Variants in FNBP1 observed in about 807,000 individuals in gnomAD.
FNBP1 encodes formin-binding protein 1.
Under a neutral mutation model 90.6 loss-of-function variants are expected in FNBP1, and 26 were observed. The observed-to-expected ratio is 0.29, with a 90% CI of 0.21 to 0.40. The LOEUF is 0.40. Among genes scored for constraint, FNBP1 ranks in the 10% least tolerant of loss-of-function variants. The probability of loss-of-function intolerance (pLI) is 1.00; values close to 1 mark genes in which losing one functional copy is unlikely to be tolerated. For missense variants in FNBP1, 635 were observed against 768.0 expected, an observed-to-expected ratio of 0.83 and a Z score of 2.05; for synonymous variants, 260 against 265.2, an observed-to-expected ratio of 0.98 and a Z score of 0.19.
chr9:129,945,062 C>A lies in FNBP1; in HGVS notation c.513+12298G>T, dbSNP rs77839090. The stretch of plus-strand genomic sequence containing the variant: ...TATCTTCAGATCTAGGGTATGAGAA[C>A]GATGCTGCTTGATTGCTATTTTGTA... On this transcript the variant is annotated intron_variant, in intron 6 of 16. Coordinates refer to ENST00000446176, the MANE Select transcript of FNBP1 (RefSeq NM_015033.3). 2.6e-3 allele frequency among the ~76,000 whole-genome samples: 390 copies of A among 152,088 alleles called. 1 individual carries two copies. The highest frequency in any genetic ancestry group is 9.2e-3 in the African/African-American group (382 of 41,486).
intron 6 of FNBP1, among the ~76,000 whole-genome samples, chr9:129,949,984 A>G (rs1242622133): frequency 6.6e-6 from 1 of 152,220 alleles, no homozygotes; most frequent in Admixed American, 6.6e-5. Context: ...GCTGCTAGAA[A>G]AAAAGGAGGA....
At chr9:129,988,572 G>A (rs1178969627) in intron 2 of FNBP1, among the ~76,000 whole-genome samples, 1 of 152,010 alleles carries the variant, frequency 6.6e-6, no homozygotes, top group African/African-American at 2.4e-5. Context: ...AGCTGTTCAG[G>A]AGGCTGAGGC....
At chr9:129,947,918 G>A (rs984419751) in intron 6 of FNBP1, among the ~76,000 whole-genome samples, 1 of 150,996 alleles carries the variant, frequency 6.6e-6, no homozygotes, top group Non-Finnish European at 1.5e-5. Flanking sequence ...CACTGCACTT[G>A]GCTGAGTTGC....
intron 6 of FNBP1, among the ~76,000 whole-genome samples, chr9:129,938,629 A>G (rs1385136789): frequency 2.0e-5 from 3 of 151,986 alleles, no homozygotes; most frequent in Non-Finnish European, 4.4e-5. Context: ...GAGAATGCAG[A>G]AAGATAGCCA....
chr9:130,007,239 C>CAAAA (rs72063140), intron 1 of FNBP1, among the ~76,000 whole-genome samples: 105 of 76,900 alleles, frequency 1.4e-3, no homozygotes, highest in South Asian at 5.6e-3. Flanking sequence ...GAGATCCTGT[C>CAAAA]AAAAAAAAAA....
chr9:129,974,800 C>T (rs1008047908), intron 4 of FNBP1, among the ~76,000 whole-genome samples: 1 of 148,212 alleles, frequency 6.7e-6, no homozygotes, highest in Non-Finnish European at 1.5e-5. Flanking sequence ...GTTGAAGCTA[C>T]AGTGAGCCAT....
chr9:129,927,236 C>T lies in FNBP1; in HGVS notation c.748G>A (p.Asp250Asn). ...QVIPIIGKCL[D>N]GIVKAAESID... ...GATTCGGCTGCTTTTACTATTCCATCCAGGCACTTCCCAATGATTGGGATC... is the reference window on the plus strand; with the variant it reads ...GATTCGGCTGCTTTTACTATTCCATTCAGGCACTTCCCAATGATTGGGATC... Residue 250 changes from aspartate (D) to asparagine (N), a missense_variant, in exon 8 of 17, where the codon GAT (aspartate) becomes AAT (asparagine). Asp to Asn is a conservative substitution (Grantham distance 23). Coordinates refer to ENST00000446176, the MANE Select transcript of FNBP1 (RefSeq NM_015033.3). 1.2e-6 allele frequency: 2 copies of T among 1,613,972 alleles called. No individual in the cohort carries two copies. Among genetic ancestry groups the T allele is most frequent in the South Asian group, 1.1e-5 (1 of 91,072 alleles).
intron 1 of FNBP1, among the ~76,000 whole-genome samples, chr9:130,026,391 G>A (rs555229074): frequency 6.6e-6 from 1 of 152,254 alleles, no homozygotes; most frequent in African/African-American, 2.4e-5. Context: ...CTACCTGGGA[G>A]GCTGAGGCAG....
At chr9:129,958,694 G>A in intron 4 of FNBP1, 141 bp from the exon 5 acceptor site, 1 of 649,340 alleles carries the variant, frequency 1.5e-6, no homozygotes, top group South Asian at 2.0e-5. Flanking sequence ...AGAGTTGAAA[G>A]GGGTAGCCGG....
intron 4 of FNBP1, among the ~76,000 whole-genome samples, chr9:129,967,305 C>T (rs2048768821): frequency 6.6e-6 from 1 of 152,172 alleles, no homozygotes; most frequent in Non-Finnish European, 1.5e-5. Context: ...CAGCTGAGGA[C>T]AGGACTCCGG....
At chr9:130,024,219 G>A (rs1376029349) in intron 1 of FNBP1, among the ~76,000 whole-genome samples, 3 of 151,972 alleles carry the variant, frequency 2.0e-5, no homozygotes, top group African/African-American at 7.2e-5. Context: ...AGGCTAGCCT[G>A]GGCAACATAG....
chr9:129,918,998 C>CTTTTTTTT, intron 10 of FNBP1: 1 of 152,748 alleles, frequency 6.5e-6, no homozygotes, highest in Non-Finnish European at 1.4e-5. Context: ...TTAGGCTTTT[C>CTTTTTTTT]TTTTTTTTTT....
intron 2 of FNBP1, among the ~76,000 whole-genome samples, chr9:129,985,489 G>A (rs987256254): frequency 2.0e-4 from 31 of 152,204 alleles, no homozygotes; most frequent in African/African-American, 6.0e-4. Context: ...GGACTCTTGA[G>A]TCTGAACTCA....
At position 130,041,758 on chromosome 9, in the gene FNBP1, CAATT is replaced by C. The variant is rs905751295; in HGVS notation, c.24+1190_24+1193del. ...TACCTAACAAATGGTTATGTAAAAACAATTAAAGCAAAAGAAAACAAAACAAAAA... is the reference window on the plus strand; with the variant it reads ...TACCTAACAAATGGTTATGTAAAAACAAAGCAAAAGAAAACAAAACAAAAA... On this transcript the variant is annotated intron_variant, in intron 1 of 16. Transcript: ENST00000446176. This position sits in a 1 kb window ranked among gnomAD's most constrained non-coding sequence, Gnocchi z 4.3. Among the ~76,000 whole-genome samples, 12 of 152,228 alleles carry C rather than the reference CAATT, an allele frequency of 7.9e-5. No homozygotes were observed. Among genetic ancestry groups the C allele is most frequent in the Admixed American group, 5.2e-4 (8 of 15,286 alleles).
At chr9:129,910,482 AAAAAAAC>A (rs1271917420) in intron 11 of FNBP1, among the ~76,000 whole-genome samples, 6 of 120,700 alleles carry the variant, frequency 5.0e-5, no homozygotes, top group South Asian at 2.9e-4. Context: ...ACTCCATCTC[AAAAAAAC>A]AAAAAAAAAA....
chr9:129,977,562 GCTCACTGCAACCTCCAC>G (rs983736988), intron 4 of FNBP1, among the ~76,000 whole-genome samples: 7 of 151,284 alleles, frequency 4.6e-5, no homozygotes, highest in African/African-American at 9.7e-5. Context: ...CGAGATCTCG[GCTCACTGCAACCTCCAC>G]CTCCTGGGTT....
intron 7 of FNBP1, 61 bp from the exon 8 acceptor site, chr9:129,927,402 T>C (rs2042073716): frequency 6.5e-7 from 1 of 1,535,178 alleles, no homozygotes; most frequent in Non-Finnish European, 8.9e-7. Flanking sequence ...AAAGTTGTTT[T>C]TCGGCAGCAT....
At position 129,952,242 on chromosome 9, in the gene FNBP1, G is replaced by A. The variant is rs1226576053; in HGVS notation, c.513+5118C>T. 4.0e-5 allele frequency among the ~76,000 whole-genome samples: 6 copies of A among 151,728 alleles called. No homozygotes were observed. The South Asian group carries it at 1.3e-3, about 32-fold the overall frequency. On this transcript the variant is annotated intron_variant, in intron 6 of 16. Transcript: ENST00000446176. The stretch of plus-strand genomic sequence containing the variant: ...AGGCCAGGTGCGGTGGCTCATGCCT[G>A]TAATCCTAGCACTTTCGGAGGCTGA...
chr9:130,034,388 C>T lies in FNBP1; in HGVS notation c.24+8564G>A, dbSNP rs1422439937. On this transcript the variant is annotated intron_variant, in intron 1 of 16. Transcript: ENST00000446176. ...GTCCCAGCTAATCAGGAGGCTGAGG[C>T]GAAAGGCTCATTTGGGCCCAGGAGA... 4.0e-5 allele frequency among the ~76,000 whole-genome samples: 6 copies of T among 151,220 alleles called. No individual in the cohort carries two copies. In the East Asian group the frequency reaches 5.8e-4, roughly 15 times the overall value.
Sources: allele counts gnomAD v4.1 joint callset (sites outside exome capture counted in the v4.1 genomes callset), GRCh38; gene constraint gnomAD v4.1.1; non-coding constraint Gnocchi (gnomAD v3.1); transcripts MANE v1.5; gene names NCBI Gene and HGNC (gene_info 2026-07-23, HGNC 2026-07-21).